Variants in TMEM131 observed in about 807,000 individuals in gnomAD.
The protein encoded by TMEM131 is 2610524E03Rik.
A neutral mutation model predicts 211.6 loss-of-function variants in TMEM131; 66 were observed. The ratio of observed to expected loss-of-function variants is 0.31; its 90% confidence interval spans 0.26 to 0.38. The LOEUF (loss-of-function observed/expected upper bound fraction) is 0.38. Ranked by LOEUF, TMEM131 falls within the 10% of genes least tolerant of loss-of-function variation. TMEM131 has a pLI of 1.00. For missense variants in TMEM131, 2,036 were observed against 2,299.3 expected (o/e 0.89, Z 2.34); for synonymous variants, 844 against 841.3 (o/e 1.00, Z -0.06).
intron 11 of TMEM131, among the ~76,000 whole-genome samples, chr2:97,822,923 T>C (rs1468135645): frequency 6.6e-6 from 1 of 152,176 alleles, no homozygotes; most frequent in Non-Finnish European, 1.5e-5. Context: ...CATTTTTTTC[T>C]GCACTACGGC....
At chr2:97,899,126 T>G (rs1158759450) in intron 3 of TMEM131, among the ~76,000 whole-genome samples, 1 of 152,126 alleles carries the variant, frequency 6.6e-6, no homozygotes, top group Non-Finnish European at 1.5e-5. Flanking sequence ...CCTGGGGAAC[T>G]GTCTCCTTCA....
intron 4 of TMEM131, among the ~76,000 whole-genome samples, chr2:97,868,146 C>G (rs995760528): frequency 6.6e-6 from 1 of 152,004 alleles, no homozygotes; most frequent in Non-Finnish European, 1.5e-5. Context: ...AAATTAACCC[C>G]TCTATATTTA....
intron 31 of TMEM131, among the ~76,000 whole-genome samples, chr2:97,790,493 T>C (rs1680453066): frequency 6.6e-6 from 1 of 152,212 alleles, no homozygotes; most frequent in South Asian, 2.1e-4. Flanking sequence ...AGGTTGACTC[T>C]AGGACCACTG....
chr2:97,850,560 G>A (rs1673581576), intron 5 of TMEM131, among the ~76,000 whole-genome samples: 1 of 151,958 alleles, frequency 6.6e-6, no homozygotes, highest in African/African-American at 2.4e-5. Context: ...TGTAACATGG[G>A]TCTCAATTTC....
chr2:97,908,823 G>T, intron 2 of TMEM131, 125 bp from the exon 3 acceptor site: 1 of 675,846 alleles, frequency 1.5e-6, no homozygotes. Context: ...GGATTTTAAG[G>T]TTAAACCTGG....
intron 10 of TMEM131, among the ~76,000 whole-genome samples, chr2:97,833,671 TA>T (rs1488528986): frequency 1.3e-4 from 15 of 115,636 alleles, no homozygotes; most frequent in African/African-American, 4.2e-4. Flanking sequence ...TTTTTTTTTT[TA>T]AATGAGACAG....
rs1457104666 is a variant in TMEM131 at position 97,872,004 on chromosome 2, A to G, written c.360-12577T>C. The stretch of plus-strand genomic sequence containing the variant: ...CTAGATTGCCCCATGGGATTGTTAC[A>G]AGGAGAGAAGAGGAGAGAAAGGGGG... On this transcript the variant is annotated intron_variant, in intron 4 of 40. Coordinates refer to ENST00000186436, the MANE Select transcript of TMEM131 (RefSeq NM_015348.2). Among the ~76,000 whole-genome samples the G allele has an allele frequency of 3.3e-5, 5 of 150,750 alleles. No individual in the cohort carries two copies. The South Asian group carries it at 6.5e-4, about 20-fold the overall frequency.
intron 1 of TMEM131, among the ~76,000 whole-genome samples, chr2:97,935,578 C>T (rs868079093): frequency 6.6e-6 from 1 of 151,896 alleles, no homozygotes; most frequent in Non-Finnish European, 1.5e-5. Flanking sequence ...GACCTACATG[C>T]CATTATCAAT....
At chr2:97,809,815 C>T (rs1190856058) in intron 18 of TMEM131, 41 bp from the exon 19 acceptor site, 1 of 1,484,180 alleles carries the variant, frequency 6.7e-7, no homozygotes, top group Non-Finnish European at 9.2e-7. Context: ...GTAGTTAAGA[C>T]TTAGCCTGAT....
rs34708023 is a variant in TMEM131 at position 97,976,960 on chromosome 2, C to CAAAA, written c.187+18512_187+18515dup. On this transcript the variant is annotated intron_variant, in intron 1 of 40. Coordinates refer to ENST00000186436, the MANE Select transcript of TMEM131 (RefSeq NM_015348.2). The stretch of plus-strand genomic sequence containing the variant: ...ACTAGAAGAACTGGTTATTTATATG[C>CAAAA]AAAAAAAAAAAAAAAAAAGAACTTG... 1.2e-4 allele frequency among the ~76,000 whole-genome samples: 13 copies of CAAAA among 112,160 alleles called. 1 individual carries two copies. The highest frequency in any genetic ancestry group is 1.4e-4 in the Non-Finnish European group (8 of 56,930). 73.6% of individuals were successfully genotyped at this position (112,160 alleles called of 152,430 possible). A position where few individuals can be genotyped will look rare whatever the true frequency, so the allele number is the denominator to read the frequency against.
intron 3 of TMEM131, among the ~76,000 whole-genome samples, chr2:97,890,023 G>A (rs1675316567): frequency 6.6e-6 from 1 of 152,302 alleles, no homozygotes; most frequent in East Asian, 1.9e-4. Flanking sequence ...AGAGATCTAG[G>A]GGAAGAAAGT....
intron 3 of TMEM131, among the ~76,000 whole-genome samples, chr2:97,904,229 C>A (rs771189509): frequency 6.6e-6 from 1 of 152,016 alleles, no homozygotes; most frequent in Non-Finnish European, 1.5e-5. Context: ...ATGATGATCT[C>A]TAAAACAATG....
chr2:97,971,160 C>T (rs1559482744), intron 1 of TMEM131, among the ~76,000 whole-genome samples: 1 of 152,144 alleles, frequency 6.6e-6, no homozygotes, highest in Non-Finnish European at 1.5e-5. Flanking sequence ...ATAAATTATT[C>T]CATCAAATCA....
chr2:97,813,669 A>G (rs1014491525), intron 15 of TMEM131, among the ~76,000 whole-genome samples: 2 of 151,924 alleles, frequency 1.3e-5, no homozygotes, highest in Non-Finnish European at 2.9e-5. Context: ...TCATTTTTCT[A>G]TTTAGTTCTT....
At chr2:97,767,849 C>T (rs1182426884) in intron 33 of TMEM131, among the ~76,000 whole-genome samples, 1 of 152,172 alleles carries the variant, frequency 6.6e-6, no homozygotes, top group Non-Finnish European at 1.5e-5. Context: ...CCACAGGATA[C>T]AGTACATTTC....
Position 97,802,552 on chromosome 2 carries a change from T to C in TMEM131, c.2542-15A>G, listed in dbSNP as rs1200454292. The C allele has an allele frequency of 6.2e-7, 1 of 1,603,568 alleles. No individual in the cohort carries two copies. Among genetic ancestry groups the C allele is most frequent in the East Asian group, 2.2e-5 (1 of 44,768 alleles). On this transcript the variant is annotated splice_polypyrimidine_tract_variant and intron_variant, in intron 23 of 40. Coordinates refer to ENST00000186436, the MANE Select transcript of TMEM131 (RefSeq NM_015348.2). Reference sequence around the variant, plus strand: ...ATCTCTTCTTCCTTAAACAAAATAATGAAACATTAAATGAAAGATTTCTAT... The same window carrying C: ...ATCTCTTCTTCCTTAAACAAAATAACGAAACATTAAATGAAAGATTTCTAT...
At chr2:97,964,695 C>T (rs1471391500) in intron 1 of TMEM131, among the ~76,000 whole-genome samples, 1 of 152,212 alleles carries the variant, frequency 6.6e-6, no homozygotes, top group East Asian at 1.9e-4. Context: ...AACCATATCT[C>T]CTAAATGCTT....
intron 2 of TMEM131, among the ~76,000 whole-genome samples, chr2:97,914,800 C>T (rs1676440085): frequency 6.6e-6 from 1 of 152,154 alleles, no homozygotes; most frequent in Non-Finnish European, 1.5e-5. Flanking sequence ...GGGTTGTTTC[C>T]AGTTTGGGGC....
chr2:97,885,447 C>CTCCCA (rs1675114566), intron 4 of TMEM131, among the ~76,000 whole-genome samples: 1 of 127,146 alleles, frequency 7.9e-6, no homozygotes, highest in Non-Finnish European at 1.7e-5. Flanking sequence ...GCCCGCCTCC[C>CTCCCA]AAAGTGCTGG....
Sources: gnomAD v4.1 joint callset for allele counts (sites outside exome capture counted in the v4.1 genomes callset) on GRCh38, gnomAD v4.1.1 for gene constraint, MANE v1.5 for transcripts, NCBI Gene and HGNC (gene_info 2026-07-23, HGNC 2026-07-21) for gene names.